The following EFCAB3 variants were observed in gnomAD, a reference collection of about 807,000 sequenced individuals.
EFCAB3 encodes the protein EF-hand calcium binding domain 3, also known as EF-hand calcium-binding domain-containing protein 3.
EFCAB3 carries 36 observed loss-of-function variants against 42.2 expected under a neutral mutation model. The ratio of observed to expected loss-of-function variants is 0.85; its 90% CI spans 0.65 to 1.13. EFCAB3 has a LOEUF of 1.13. Among genes scored for constraint, EFCAB3 ranks in the 50% most tolerant of loss-of-function variants. The pLI, the probability that EFCAB3 is intolerant of heterozygous loss-of-function variation, is 0.00. For synonymous variants in EFCAB3, 170 were observed against 172.8 expected, an observed-to-expected ratio of 0.98 and a Z score of 0.13; for missense variants, 418 against 505.1, an observed-to-expected ratio of 0.83 and a Z score of 1.65.
chr17:62,408,664 G>A (rs2070468747), intron 8 of EFCAB3, among the ~76,000 whole-genome samples: 1 of 152,198 alleles, frequency 6.6e-6, no homozygotes. Flanking sequence ...TATACTGGAT[G>A]ACACAGAAAT....
chr17:62,392,079 A>C, intron 4 of EFCAB3, 114 bp downstream of exon 4: 1 of 807,774 alleles, frequency 1.2e-6, no homozygotes, highest in Non-Finnish European at 1.7e-6. Context: ...TGCCCCCCCA[A>C]ATATATATAT....
chr17:62,406,394 A>C (rs1410860266), intron 6 of EFCAB3, 86 bp from the exon 7 acceptor site: 4 of 1,080,766 alleles, frequency 3.7e-6, no homozygotes, highest in Admixed American at 5.7e-5. Context: ...AAGTTTCTTC[A>C]GCATATGTAA....
At chr17:62,384,799 G>A (rs910890706) in intron 2 of EFCAB3, among the ~76,000 whole-genome samples, 1 of 152,062 alleles carries the variant, frequency 6.6e-6, no homozygotes, top group Admixed American at 6.6e-5. Context: ...CTTTACAGTG[G>A]TACAAAAGCC....
chr17:62,397,932 G>A (rs1334480736), intron 6 of EFCAB3: 2 of 229,230 alleles, frequency 8.7e-6, no homozygotes, highest in Admixed American at 1.1e-4. Context: ...GGCTGAGGCA[G>A]GAGAATCGCT....
intron 1 of EFCAB3, among the ~76,000 whole-genome samples, chr17:62,370,546 C>T (rs2070107533): frequency 6.6e-6 from 1 of 152,002 alleles, no homozygotes; most frequent in Non-Finnish European, 1.5e-5. Context: ...ATCCCAGCTA[C>T]TCAGGAGGCT....
intron 8 of EFCAB3, among the ~76,000 whole-genome samples, chr17:62,408,921 T>C (rs953984524): frequency 6.6e-6 from 1 of 152,212 alleles, no homozygotes; most frequent in Admixed American, 6.5e-5. Flanking sequence ...TCACCTCTTT[T>C]AGGTCTTGTC....
intron 4 of EFCAB3, 129 bp downstream of exon 4, chr17:62,392,094 G>T: frequency 8.6e-6 from 5 of 579,712 alleles, no homozygotes; most frequent in Non-Finnish European, 1.3e-5. Flanking sequence ...ATATATATTT[G>T]TGTGTATATA....
intron 2 of EFCAB3, among the ~76,000 whole-genome samples, chr17:62,384,000 G>C (rs141495040): frequency 4.9e-4 from 74 of 152,272 alleles, no homozygotes; most frequent in African/African-American, 1.5e-3. Flanking sequence ...ATGAGAGCCT[G>C]ATTTATATTT....
rs1048974951 is a variant in EFCAB3, at chr17:62,373,901, T to C, written c.88+34T>C. ...AAATTTATTATACAATATAAAATTA[T>C]AATCTGATGCTATATGTGTATTTTT... is the stretch of plus-strand genomic sequence containing the variant. On this transcript the variant is annotated intron_variant, in intron 2 of 11. Coordinates refer to the EFCAB3 transcript ENST00000450662. 9.9e-6 allele frequency: 11 copies of C among 1,114,524 alleles called. No homozygotes were observed. In the African/African-American group the frequency reaches 1.1e-4, roughly 11 times the overall value. 69.0% of individuals were successfully genotyped at this position (1,114,524 alleles called of 1,614,324 possible). A position where few individuals can be genotyped will look rare whatever the true frequency, so the allele number is the denominator to read the frequency against.
intron 6 of EFCAB3, among the ~76,000 whole-genome samples, chr17:62,402,683 T>A (rs1444033928): frequency 6.6e-6 from 1 of 152,204 alleles, no homozygotes; most frequent in African/African-American, 2.4e-5. Flanking sequence ...GCTGCTGGAT[T>A]CGGTTTGCCA....
At chr17:62,413,527 A>G (rs1338781346) in intron 8 of EFCAB3, among the ~76,000 whole-genome samples, 1 of 152,212 alleles carries the variant, frequency 6.6e-6, no homozygotes, top group Admixed American at 6.5e-5. Context: ...CATCTAGGAT[A>G]TACAGATATT....
chr17:62,392,349 G>C (rs183249877), intron 4 of EFCAB3, among the ~76,000 whole-genome samples: 1 of 151,652 alleles, frequency 6.6e-6, no homozygotes, highest in Admixed American at 6.6e-5. Flanking sequence ...GATCAGTGAG[G>C]TATGTGTACA....
chr17:62,410,892 G>T (rs1461560035), intron 8 of EFCAB3, among the ~76,000 whole-genome samples: 1 of 152,158 alleles, frequency 6.6e-6, no homozygotes, highest in African/African-American at 2.4e-5. Flanking sequence ...GGAGGGGTAA[G>T]AAACTCAGTC....
intron 6 of EFCAB3, among the ~76,000 whole-genome samples, chr17:62,396,931 A>G (rs1036673923): frequency 6.6e-5 from 10 of 152,170 alleles, no homozygotes; most frequent in African/African-American, 9.6e-5. Context: ...CATATTATCT[A>G]ATTTAATCCT....
intron 1 of EFCAB3, chr17:62,370,396 T>C (rs2070106445): frequency 6.9e-7 from 1 of 1,447,982 alleles, no homozygotes; most frequent in Admixed American, 2.0e-5. Flanking sequence ...GATTCACGCC[T>C]GTAATCCCAG....
chr17:62,393,430 C>T, intron 4 of EFCAB3, 143 bp from the exon 5 acceptor site: 4 of 635,568 alleles, frequency 6.3e-6, no homozygotes, highest in Non-Finnish European at 1.1e-5. Context: ...AAGACCAGGG[C>T]TCACCTGAGC....
intron 4 of EFCAB3, 89 bp downstream of exon 4, chr17:62,392,054 CAAAT>C: frequency 7.7e-7 from 1 of 1,294,568 alleles, no homozygotes; most frequent in East Asian, 2.6e-5. Flanking sequence ...ACATGAGAAA[CAAAT>C]CTTATTTACT....
Position 62,387,491 on chromosome 17 carries a change from T to G in EFCAB3, c.151+75T>G, listed in dbSNP as rs1173415164. On this transcript the variant is annotated intron_variant, in intron 3 of 9. Coordinates refer to ENST00000305286, the MANE Select transcript of EFCAB3 (RefSeq NM_173503.4). ...CTGATCCTTTCTTCTCTAAGAAAGATCTGAGATTTCAAGGGTTGTCTACAC... is the reference window on the plus strand; with the variant it reads ...CTGATCCTTTCTTCTCTAAGAAAGAGCTGAGATTTCAAGGGTTGTCTACAC... 3 of 1,286,912 alleles carry G rather than the reference T, an allele frequency of 2.3e-6. No individual in the cohort carries two copies. The African/African-American group carries it at 4.5e-5, about 19-fold the overall frequency. The allele number at this position is 1,286,912 out of a possible 1,614,324, so 79.7% of individuals were successfully genotyped here.
At position 62,387,562 on chromosome 17, in the gene EFCAB3, G is replaced by A. The variant is rs1039253100; in HGVS notation, c.151+146G>A. ...GAAAAAAAACCTTACATTTTTGTGG[G>A]ACAGGAGGGAAATTGCTTTTAAATG... On this transcript the variant is annotated intron_variant, in intron 3 of 9. Transcript: ENST00000305286. 1.3e-5 allele frequency: 8 copies of A among 614,778 alleles called. No individual in the cohort carries two copies. In the African/African-American group the frequency reaches 1.5e-4, roughly 12 times the overall value. 38.1% of individuals were successfully genotyped at this position (614,778 alleles called of 1,614,324 possible). A position where few individuals can be genotyped will look rare whatever the true frequency, so the allele number is the denominator to read the frequency against.
Sources: allele counts gnomAD v4.1 joint callset (sites outside exome capture counted in the v4.1 genomes callset), GRCh38; gene constraint gnomAD v4.1.1; transcripts MANE v1.5; gene names NCBI Gene and HGNC (gene_info 2026-07-23, HGNC 2026-07-21).